The following FMNL2 variants were observed in gnomAD, a reference collection of about 807,000 sequenced individuals.
FMNL2 encodes formin like 2.
In FMNL2, 51 loss-of-function variants were observed where a neutral mutation model predicts 130.2. The ratio of observed to expected loss-of-function variants is 0.39; its 90% CI spans 0.31 to 0.49. The LOEUF (loss-of-function observed/expected upper bound fraction) is 0.49. FMNL2 is among the 20% of genes least tolerant of loss of function. The pLI is 0.85. For missense variants in FMNL2, 977 were observed against 1,316.2 expected, an observed-to-expected ratio of 0.74 and a Z score of 3.99; for synonymous variants, 465 against 467.1, an observed-to-expected ratio of 1.00 and a Z score of 0.06.
At chr2:152,538,395 T>A (rs1313572375) in intron 2 of FMNL2, among the ~76,000 whole-genome samples, 2 of 152,156 alleles carry the variant, frequency 1.3e-5, no homozygotes, top group Non-Finnish European at 2.9e-5. Context: ...TCCTCCTGTC[T>A]CAGCCTCCCA....
intron 25 of FMNL2, among the ~76,000 whole-genome samples, chr2:152,641,520 G>C (rs1217434541): frequency 6.6e-6 from 1 of 152,232 alleles, no homozygotes; most frequent in African/African-American, 2.4e-5. Context: ...ACTAGTAGGA[G>C]AGGCAGCAAG....
At chr2:152,618,751 A>T in intron 13 of FMNL2, 95 bp from the exon 14 acceptor site, 7 of 925,164 alleles carry the variant, frequency 7.6e-6, no homozygotes, top group Non-Finnish European at 6.0e-6. Context: ...TCATATGAGT[A>T]TCTTTTTTTC....
In FMNL2 at chr2:152,608,362, AAAAAAAAAAG is replaced by A. The variant is rs1201388030; in HGVS notation, c.951+959_951+968del. Reference sequence around the variant, plus strand: ...TGCAGATTTCTAACCCTTTTTGTGAAAAAAAAAAAGAAAAAAAAAAAAAAAAAGTTTGGAG... The same window carrying A: ...TGCAGATTTCTAACCCTTTTTGTGAAAAAAAAAAAAAAAAAAAGTTTGGAG... On this transcript the variant is annotated intron_variant, in intron 10 of 25. Coordinates refer to ENST00000288670, the MANE Select transcript of FMNL2 (RefSeq NM_052905.4). 6.3e-3 allele frequency among the ~76,000 whole-genome samples: 134 copies of A among 21,356 alleles called. 1 individual carries two copies. Among genetic ancestry groups the A allele is most frequent in the South Asian group, 9.5e-3 (6 of 634 alleles). The allele number at this position is 21,356 out of a possible 152,430, so 14.0% of individuals were successfully genotyped here. A position where few individuals can be genotyped will look rare whatever the true frequency, so the allele number is the denominator to read the frequency against.
At chr2:152,479,293 C>T (rs1690345990) in intron 1 of FMNL2, among the ~76,000 whole-genome samples, 1 of 152,042 alleles carries the variant, frequency 6.6e-6, no homozygotes, top group Non-Finnish European at 1.5e-5. Context: ...AGGCATGCAC[C>T]ACCACACCTG....
intron 9 of FMNL2, among the ~76,000 whole-genome samples, chr2:152,593,754 T>TG (rs1032753547): frequency 1.2e-4 from 18 of 151,654 alleles, no homozygotes; most frequent in African/African-American, 4.1e-4. Context: ...ATTTTTTTAG[T>TG]GGGGGTGTAA....
chr2:152,419,159 G>GT (rs939687340), intron 1 of FMNL2, among the ~76,000 whole-genome samples: 1 of 151,578 alleles, frequency 6.6e-6, no homozygotes, highest in African/African-American at 2.4e-5. Context: ...GACTTTTTTT[G>GT]TTTTTTATTA....
At chr2:152,523,314 A>C (rs762928460) in intron 2 of FMNL2, among the ~76,000 whole-genome samples, 1 of 152,194 alleles carries the variant, frequency 6.6e-6, no homozygotes, top group African/African-American at 2.4e-5. Flanking sequence ...GCTCAGAGAC[A>C]GATTTGTGGC....
intron 1 of FMNL2, among the ~76,000 whole-genome samples, chr2:152,384,733 T>A (rs1684688050): frequency 6.6e-6 from 1 of 152,216 alleles, no homozygotes; most frequent in Non-Finnish European, 1.5e-5. Flanking sequence ...AATTTTGGAA[T>A]GCAAGGGCTT....
At chr2:152,363,576 C>T (rs368917943) in intron 1 of FMNL2, among the ~76,000 whole-genome samples, 32 of 151,556 alleles carry the variant, frequency 2.1e-4, no homozygotes, top group African/African-American at 7.8e-4. Flanking sequence ...TTTTTTTCCC[C>T]CCCAAGACAG....
chr2:152,555,495 T>G (rs1695153417), intron 4 of FMNL2, among the ~76,000 whole-genome samples: 1 of 152,236 alleles, frequency 6.6e-6, no homozygotes, highest in African/African-American at 2.4e-5. Flanking sequence ...GAACATCTCT[T>G]AAGACCTATA....
At chr2:152,509,577 G>A (rs1289242543) in intron 1 of FMNL2, among the ~76,000 whole-genome samples, 1 of 151,880 alleles carries the variant, frequency 6.6e-6, no homozygotes, top group African/African-American at 2.4e-5. Context: ...AGTGCTATTA[G>A]AGATAATACA....
At chr2:152,468,058 T>G (rs1689649823) in intron 1 of FMNL2, among the ~76,000 whole-genome samples, 1 of 152,226 alleles carries the variant, frequency 6.6e-6, no homozygotes, top group African/African-American at 2.4e-5. Context: ...CCTAAGTTGC[T>G]AAGGCAAATG....
chr2:152,593,886 TGTGTGTGTGTGTGTGTGAGAGA>T (rs1322626319), intron 9 of FMNL2, among the ~76,000 whole-genome samples: 14 of 110,014 alleles, frequency 1.3e-4, no homozygotes, highest in African/African-American at 4.2e-4. Context: ...TGTGTGTGTG[TGTGTGTGTGTGTGTGTGAGAGA>T]GAGAGAGAGA....
chr2:152,392,519 T>C (rs1366382737), intron 1 of FMNL2, among the ~76,000 whole-genome samples: 7 of 152,166 alleles, frequency 4.6e-5, no homozygotes, highest in African/African-American at 1.7e-4. Context: ...ACGATCAAGG[T>C]GCCAGCATTT....
At chr2:152,583,896 A>G (rs1696922980) in intron 9 of FMNL2, among the ~76,000 whole-genome samples, 1 of 152,240 alleles carries the variant, frequency 6.6e-6, no homozygotes, top group South Asian at 2.1e-4. Context: ...AGACAGACCA[A>G]GCAAATGGAT....
intron 1 of FMNL2, among the ~76,000 whole-genome samples, chr2:152,346,375 G>A (rs944694167): frequency 6.6e-6 from 1 of 152,120 alleles, no homozygotes; most frequent in Non-Finnish European, 1.5e-5. Context: ...GCAGGGTGTG[G>A]TGGCTCACAT....
In FMNL2 at chr2:152,421,153, TCAGTGGGTA is replaced by T. The variant is rs539149901; in HGVS notation, c.117+85436_117+85444del. ...CATTTCCCCTTTAGGCATTTTCTTG[TCAGTGGGTA>T]CAACACTTCTGTCAGTATCTTTGGC... On this transcript the variant is annotated intron_variant, in intron 1 of 25. Transcript: ENST00000288670. Among the ~76,000 whole-genome samples, 430 of 152,286 alleles carry T rather than the reference TCAGTGGGTA, an allele frequency of 2.8e-3. 1 individual carries two copies. The highest frequency in any genetic ancestry group is 0.01 in the African/African-American group (418 of 41,556).
At chr2:152,381,665 C>G (rs914639127) in intron 1 of FMNL2, among the ~76,000 whole-genome samples, 3 of 152,160 alleles carry the variant, frequency 2.0e-5, no homozygotes, top group Non-Finnish European at 2.9e-5. Flanking sequence ...GAGAATTGTT[C>G]CTGTGAACTT....
At chr2:152,464,185 C>A (rs1171335109) in intron 1 of FMNL2, among the ~76,000 whole-genome samples, 1 of 152,160 alleles carries the variant, frequency 6.6e-6, no homozygotes, top group African/African-American at 2.4e-5. Flanking sequence ...CTCAGGTGAT[C>A]CGCCGACCTT....
Sources: allele counts gnomAD v4.1 joint callset (sites outside exome capture counted in the v4.1 genomes callset), GRCh38; gene constraint gnomAD v4.1.1; transcripts MANE v1.5; gene names NCBI Gene and HGNC (gene_info 2026-07-23, HGNC 2026-07-21).